OSBP2: variants seen among roughly 807,000 people sequenced by gnomAD.
OSBP2 encodes the protein oxysterol binding protein 2.
In OSBP2, 66 loss-of-function variants were observed where a neutral mutation model predicts 96.0. That is an observed-to-expected ratio of 0.69 (90% CI 0.56 to 0.84). The LOEUF (loss-of-function observed/expected upper bound fraction) is 0.84. Among genes scored for constraint, OSBP2 ranks in the 40% least tolerant of loss-of-function variants. OSBP2 has a pLI of 0.00. For synonymous variants in OSBP2, 525 were observed against 520.9 expected, an observed-to-expected ratio of 1.01 and a Z score of -0.11; for missense variants, 1,038 against 1,222.7, an observed-to-expected ratio of 0.85 and a Z score of 2.25.
At chr22:30,811,700 G>T (rs974491725) in intron 2 of OSBP2, among the ~76,000 whole-genome samples, 1 of 151,032 alleles carries the variant, frequency 6.6e-6, no homozygotes, top group East Asian at 2.0e-4. Flanking sequence ...GATTACAGGC[G>T]CCCACCACCA....
At chr22:30,768,118 C>T (rs1360093610) in intron 2 of OSBP2, among the ~76,000 whole-genome samples, 1 of 152,052 alleles carries the variant, frequency 6.6e-6, no homozygotes, top group African/African-American at 2.4e-5. Context: ...ATGGGTCACT[C>T]GTGAGTTTGA....
chr22:30,860,648 G>C (rs2039192103), intron 2 of OSBP2, among the ~76,000 whole-genome samples: 1 of 152,204 alleles, frequency 6.6e-6, no homozygotes, highest in Non-Finnish European at 1.5e-5. Context: ...TCTACCTTGG[G>C]GTGAAACTCA....
At chr22:30,888,994 T>C (rs1396625836) in intron 5 of OSBP2, among the ~76,000 whole-genome samples, 183 bp from the exon 6 acceptor site, 43 of 152,174 alleles carry the variant, frequency 2.8e-4, no homozygotes, top group Admixed American at 2.8e-3. Flanking sequence ...ATGGGACCAC[T>C]GTCATATACA....
In OSBP2 at chr22:30,726,260, A is replaced by AC. The variant is rs777788055; in HGVS notation, c.645-14901_645-14900insC. Among the ~76,000 whole-genome samples the AC allele has an allele frequency of 3.5e-4, 53 of 152,234 alleles. 1 individual carries two copies. Among genetic ancestry groups the AC allele is most frequent in the Admixed American group, 9.8e-4 (15 of 15,274 alleles). On this transcript the variant is annotated intron_variant, in intron 1 of 13. Transcript: ENST00000332585. ...AATCCCCATCAATGATAGACTGGATAAAGAAAATGTGGCACATATACACCG... is the reference window on the plus strand; with the variant it reads ...AATCCCCATCAATGATAGACTGGATACAAGAAAATGTGGCACATATACACCG...
intron 1 of OSBP2, among the ~76,000 whole-genome samples, chr22:30,701,972 A>C (rs912915343): frequency 6.6e-6 from 1 of 152,186 alleles, no homozygotes; most frequent in African/African-American, 2.4e-5. Flanking sequence ...GGAGGAGCAC[A>C]GTGCACACCA....
chr22:30,905,855 G>A lies in OSBP2; in HGVS notation c.2394G>A (p.Met798Ile), dbSNP rs1167470785. ...GCCACAGGGAGAACGCGGAGAACAT[G>A]TACTACTTCTCAGAGCTGGCCCTGA... is the stretch of plus-strand genomic sequence containing the variant. ...KYPLPENAEN[M>I]YYFSELALTL... is the part of the protein sequence containing the mutation. The change falls in exon 13 of 14, where the codon ATG (methionine) becomes ATA (isoleucine). Residue 798 changes from methionine to isoleucine, a missense_variant. Met to Ile is a conservative substitution (Grantham distance 10). Around this residue, in one of 3 missense-constraint regions of OSBP2, gnomAD observed 737 missense variants for 913.3 expected, o/e 0.81. Transcript: ENST00000332585. 9 of 1,613,236 alleles carry A rather than the reference G, an allele frequency of 5.6e-6. No individual in the cohort carries two copies. The highest frequency in any genetic ancestry group is 7.6e-6 in the Non-Finnish European group (9 of 1,179,670).
chr22:30,789,312 C>A (rs2090640582), intron 2 of OSBP2, among the ~76,000 whole-genome samples: 1 of 152,094 alleles, frequency 6.6e-6, no homozygotes. Flanking sequence ...AGAAGTCCAA[C>A]CTTGACAAGA....
At chr22:30,777,893 G>C (rs1272715483) in intron 2 of OSBP2, among the ~76,000 whole-genome samples, 1 of 152,116 alleles carries the variant, frequency 6.6e-6, no homozygotes, top group Admixed American at 6.5e-5. Flanking sequence ...TTGGAGGAGA[G>C]GGAGGAAGAA....
At chr22:30,893,418 C>T (rs780881723) in intron 9 of OSBP2, 45 bp from the exon 10 acceptor site, 1 of 1,568,002 alleles carries the variant, frequency 6.4e-7, no homozygotes, top group Non-Finnish European at 8.8e-7. Context: ...CTGGCCAGAG[C>T]CCTGCATGGG....
chr22:30,853,178 G>A (rs1440753913), intron 2 of OSBP2, among the ~76,000 whole-genome samples: 5 of 152,232 alleles, frequency 3.3e-5, no homozygotes, highest in African/African-American at 9.6e-5. Context: ...ATCCATACTA[G>A]TTTTATCTAC....
chr22:30,738,591 G>A (rs1041158028), intron 1 of OSBP2, among the ~76,000 whole-genome samples: 12 of 150,360 alleles, frequency 8.0e-5, no homozygotes, highest in Admixed American at 3.3e-4. Flanking sequence ...ACGGAGTTTC[G>A]CTCTTGTTGC....
intron 2 of OSBP2, among the ~76,000 whole-genome samples, chr22:30,862,330 C>T (rs1269981907): frequency 6.6e-6 from 1 of 152,240 alleles, no homozygotes; most frequent in African/African-American, 2.4e-5. Flanking sequence ...TAGCAGGCTG[C>T]TGTGGTCTCT....
intron 6 of OSBP2, 103 bp downstream of exon 6, chr22:30,889,337 T>A: frequency 7.1e-7 from 1 of 1,415,236 alleles, no homozygotes; most frequent in Non-Finnish European, 9.8e-7. Flanking sequence ...GGCAGGCCCA[T>A]GCCCCAGTCC....
chr22:30,905,927 G>A lies in OSBP2; in HGVS notation c.2466G>A (p.Leu822=), dbSNP rs748788945. 30 of 1,613,014 alleles carry A rather than the reference G, an allele frequency of 1.9e-5. No individual in the cohort carries two copies. The East Asian group carries it at 6.7e-4, about 36-fold the overall frequency. Residue 822 remains leucine (L), a synonymous_variant, in exon 13 of 14, where the codon CTG becomes CTA. Coordinates refer to ENST00000332585, the MANE Select transcript of OSBP2 (RefSeq NM_030758.4). The stretch of plus-strand genomic sequence containing the variant: ...GCGTAGCGCCAACCGACAGCCGCCT[G>A]CGGCCCGACCAGCGGCTGATGGAGA... The part of the protein sequence containing the change: ...EEGVAPTDSR[L]RPDQRLMEKG...
intron 12 of OSBP2, among the ~76,000 whole-genome samples, chr22:30,904,611 T>TAC (rs199617744): frequency 6.6e-6 from 1 of 151,126 alleles, no homozygotes; most frequent in Non-Finnish European, 1.5e-5. Context: ...TATATATATA[T>TAC]ACACACATTA....
intron 2 of OSBP2, among the ~76,000 whole-genome samples, chr22:30,836,023 T>C (rs973444386): frequency 2.6e-5 from 4 of 152,202 alleles, no homozygotes; most frequent in Admixed American, 2.6e-4. Flanking sequence ...CAGCCATTAA[T>C]TGTATTTTTC....
At chr22:30,748,625 G>T (rs549218264) in intron 2 of OSBP2, among the ~76,000 whole-genome samples, 1 of 152,276 alleles carries the variant, frequency 6.6e-6, no homozygotes, top group South Asian at 2.1e-4. Flanking sequence ...CTGTGGTGTT[G>T]CGGTTCCTTT....
chr22:30,741,049 C>T, intron 1 of OSBP2, 112 bp from the exon 2 acceptor site: 1 of 837,080 alleles, frequency 1.2e-6, no homozygotes, highest in South Asian at 1.8e-5. Context: ...GACTCCAGGG[C>T]CTCTCCCAGC....
At chr22:30,816,713 G>T (rs1428337450) in intron 2 of OSBP2, among the ~76,000 whole-genome samples, 1 of 152,058 alleles carries the variant, frequency 6.6e-6, no homozygotes, top group Non-Finnish European at 1.5e-5. Context: ...AAACTGAATG[G>T]TGCCCTTGGT....
Sources: allele counts gnomAD v4.1 joint callset (sites outside exome capture counted in the v4.1 genomes callset), GRCh38; gene constraint gnomAD v4.1.1; regional missense constraint gnomAD v4.1.1; transcripts MANE v1.5; gene names NCBI Gene and HGNC (gene_info 2026-07-23, HGNC 2026-07-21).